Variants in GULP1 observed in about 807,000 individuals in gnomAD.
GULP1 encodes the protein GULP PTB domain containing engulfment adaptor 1, also known as PTB domain-containing engulfment adapter protein 1.
In GULP1, 19 loss-of-function variants were observed where a neutral mutation model predicts 40.9. The ratio of observed to expected loss-of-function variants is 0.46; its 90% confidence interval spans 0.32 to 0.68. The LOEUF (loss-of-function observed/expected upper bound fraction) is 0.68, where lower values mean the gene tolerates loss of function less well. Among genes scored for constraint, GULP1 ranks in the 30% least tolerant of loss-of-function variants. The pLI, the probability that GULP1 is intolerant of heterozygous loss-of-function variation, is 0.03. For synonymous variants in GULP1, 119 were observed against 117.6 expected (o/e 1.01, Z -0.08); for missense variants, 312 against 362.2 (o/e 0.86, Z 1.12).
rs778578131 is a variant in GULP1, at chr2:188,587,893, A to G, written c.787A>G (p.Asn263Asp). 6.8e-6 allele frequency: 11 copies of G among 1,611,122 alleles called. No individual in the cohort carries two copies. The change falls in exon 11 of 12, where the codon AAC becomes GAC. Residue 263 changes from asparagine (N) to aspartate (D), a missense_variant. Coordinates refer to ENST00000409830, the MANE Select transcript of GULP1 (RefSeq NM_016315.4). ...LFGAEPFDPFNCGAADFPPDI... is the reference protein window; with the variant it reads ...LFGAEPFDPFDCGAADFPPDI... The stretch of plus-strand genomic sequence containing the variant: ...TGGAGCAGAACCTTTTGACCCATTT[A>G]ACTGTGGAGCAGCAGATTTCCCTCC...
intron 5 of GULP1, among the ~76,000 whole-genome samples, chr2:188,526,921 ATG>A (rs1686311583): frequency 6.6e-6 from 1 of 152,220 alleles, no homozygotes. Context: ...CTTAGATTGC[ATG>A]AACCTGAAGC....
At chr2:188,324,805 G>A (rs1374746063) in intron 1 of GULP1, among the ~76,000 whole-genome samples, 4 of 151,722 alleles carry the variant, frequency 2.6e-5, no homozygotes. Context: ...TCTAAATATA[G>A]ACACATCATG....
intron 1 of GULP1, among the ~76,000 whole-genome samples, chr2:188,357,672 G>T (rs926006162): frequency 3.9e-5 from 6 of 152,048 alleles, no homozygotes; most frequent in Admixed American, 6.6e-5. Context: ...TAGAATTGCC[G>T]TATGATCAGC....
At chr2:188,336,767 A>G (rs535223284) in intron 1 of GULP1, among the ~76,000 whole-genome samples, 2 of 152,322 alleles carry the variant, frequency 1.3e-5, no homozygotes, top group South Asian at 4.1e-4. Context: ...CTAAGGCTAT[A>G]AAAGTTTTGC....
chr2:188,588,006 A>G (rs779509185), intron 11 of GULP1, 57 bp downstream of exon 11: 1 of 901,586 alleles, frequency 1.1e-6, no homozygotes, highest in East Asian at 2.4e-5. Flanking sequence ...ATATGGGACA[A>G]AGAGAATGTT....
At chr2:188,479,877 G>A (rs950808394) in intron 3 of GULP1, among the ~76,000 whole-genome samples, 13 of 152,100 alleles carry the variant, frequency 8.5e-5, no homozygotes, top group Non-Finnish European at 1.5e-4. Flanking sequence ...ATAGTGGAGT[G>A]ATTTGGAGAA....
intron 1 of GULP1, among the ~76,000 whole-genome samples, chr2:188,320,382 G>C (rs2039788870): frequency 2.0e-5 from 3 of 152,164 alleles, no homozygotes; most frequent in African/African-American, 7.2e-5. Flanking sequence ...GTCCTTGGCA[G>C]TAGGTATGTA....
intron 1 of GULP1, among the ~76,000 whole-genome samples, chr2:188,306,999 C>A (rs373878127): frequency 3.7e-4 from 56 of 152,204 alleles, no homozygotes; most frequent in African/African-American, 1.3e-3. Flanking sequence ...TGGCGTAAAT[C>A]TGGATTCTAA....
rs188879904 is a variant in GULP1, at chr2:188,459,654, A to G, written c.-44-18005A>G. Among the ~76,000 whole-genome samples, 5 of 152,218 alleles carry G rather than the reference A, an allele frequency of 3.3e-5. No individual in the cohort carries two copies. The East Asian group carries it at 7.7e-4, about 24-fold the overall frequency. ...TGTAAATGCTTTTCAACTTAATGAG[A>G]TACCATTTGTCCATTTTGCTTGGGT... On this transcript the variant is annotated intron_variant, in intron 2 of 11. Transcript: ENST00000409830.
At chr2:188,518,887 A>T (rs1267240077) in intron 4 of GULP1, among the ~76,000 whole-genome samples, 1 of 152,206 alleles carries the variant, frequency 6.6e-6, no homozygotes, top group Non-Finnish European at 1.5e-5. Context: ...AAAGAGTCAG[A>T]CAAGGCAGAA....
chr2:188,322,915 A>G (rs953648628), intron 1 of GULP1, among the ~76,000 whole-genome samples: 1 of 152,094 alleles, frequency 6.6e-6, no homozygotes, highest in Non-Finnish European at 1.5e-5. Flanking sequence ...AAAAGCCTTC[A>G]AAGTTCTGCC....
At chr2:188,404,994 T>C (rs4340469) in intron 2 of GULP1, among the ~76,000 whole-genome samples, 42,981 of 151,922 alleles carry the variant, frequency 0.28, 7,522 homozygotes, top group African/African-American at 0.5. Context: ...GCCCTTGTGG[T>C]TGCATATCCC....
At chr2:188,354,957 G>A (rs1312584934) in intron 1 of GULP1, among the ~76,000 whole-genome samples, 3 of 152,090 alleles carry the variant, frequency 2.0e-5, no homozygotes, top group African/African-American at 4.8e-5. Flanking sequence ...ATAGATTAAT[G>A]AGGAAATTAA....
intron 2 of GULP1, among the ~76,000 whole-genome samples, chr2:188,389,956 C>CTT (rs879579451): frequency 6.9e-6 from 1 of 145,642 alleles, no homozygotes; most frequent in African/African-American, 2.5e-5. Flanking sequence ...TTATTTCATC[C>CTT]TTTTTTTTTT....
intron 4 of GULP1, among the ~76,000 whole-genome samples, chr2:188,499,122 CAT>C (rs1184052839): frequency 1.2e-4 from 13 of 107,830 alleles, no homozygotes; most frequent in South Asian, 3.1e-4. Context: ...TACAAATGCA[CAT>C]ATATGTGTGT....
chr2:188,315,438 G>A (rs756454566), intron 1 of GULP1, among the ~76,000 whole-genome samples: 1 of 152,096 alleles, frequency 6.6e-6, no homozygotes, highest in Non-Finnish European at 1.5e-5. Context: ...AGATGAGGGA[G>A]GACTGCTGTA....
chr2:188,544,478 G>A (rs1397149374), intron 7 of GULP1, among the ~76,000 whole-genome samples: 1 of 151,748 alleles, frequency 6.6e-6, no homozygotes, highest in Non-Finnish European at 1.5e-5. Flanking sequence ...TATGGCACAT[G>A]TATACATATG....
chr2:188,337,128 ATATC>A (rs2042375569), intron 1 of GULP1, among the ~76,000 whole-genome samples: 3 of 143,054 alleles, frequency 2.1e-5, no homozygotes, highest in Admixed American at 7.3e-5. Flanking sequence ...ATCTATATCT[ATATC>A]TATATCTATC....
At chr2:188,518,210 T>C (rs1366386950) in intron 4 of GULP1, among the ~76,000 whole-genome samples, 2 of 151,948 alleles carry the variant, frequency 1.3e-5, no homozygotes, top group African/African-American at 4.8e-5. Context: ...AAGATTTAAG[T>C]GCATATGATT....
Sources: gnomAD v4.1 joint callset for allele counts (sites outside exome capture counted in the v4.1 genomes callset) on GRCh38, gnomAD v4.1.1 for gene constraint, MANE v1.5 for transcripts, NCBI Gene and HGNC (gene_info 2026-07-23, HGNC 2026-07-21) for gene names.